The following SCAI variants were observed in gnomAD, a reference collection of about 807,000 sequenced individuals.
SCAI encodes the protein protein SCAI.
In SCAI, 24 loss-of-function variants were observed where a neutral mutation model predicts 92.2. That is an observed-to-expected ratio of 0.26 (90% CI 0.19 to 0.37). The LOEUF is 0.37. Among genes scored for constraint, SCAI ranks in the 10% least tolerant of loss-of-function variants. The probability of loss-of-function intolerance (pLI) is 1.00; values close to 1 mark genes in which losing one functional copy is unlikely to be tolerated. For missense variants in SCAI, 450 were observed against 736.2 expected (o/e 0.61, Z 4.50); for synonymous variants, 261 against 258.6 (o/e 1.01, Z -0.09).
chr9:125,021,525 G>C (rs1370295069), intron 6 of SCAI, among the ~76,000 whole-genome samples: 1 of 152,094 alleles, frequency 6.6e-6, no homozygotes, highest in East Asian at 1.9e-4. Context: ...GTAACAACGT[G>C]CATCCTTTAA....
intron 2 of SCAI, among the ~76,000 whole-genome samples, chr9:125,098,731 T>C (rs1276634020): frequency 1.3e-5 from 2 of 152,206 alleles, no homozygotes; most frequent in Non-Finnish European, 2.9e-5. Flanking sequence ...ATTTGTGAAC[T>C]GCAAAGGGAA....
At chr9:125,079,233 T>TAATA (rs1418945116) in intron 2 of SCAI, among the ~76,000 whole-genome samples, 1 of 152,216 alleles carries the variant, frequency 6.6e-6, no homozygotes, top group Non-Finnish European at 1.5e-5. Context: ...TGTTCTCTTA[T>TAATA]AGCTCCCAGA....
intron 2 of SCAI, among the ~76,000 whole-genome samples, chr9:125,114,437 T>C (rs192891258): frequency 6.7e-4 from 102 of 152,242 alleles, no homozygotes; most frequent in Non-Finnish European, 1.4e-3. Context: ...AATGGCTAAA[T>C]TTTTAAAATA....
chr9:125,007,202 A>C (rs994616512), intron 9 of SCAI, among the ~76,000 whole-genome samples: 6 of 152,192 alleles, frequency 3.9e-5, no homozygotes, highest in African/African-American at 1.4e-4. Context: ...AGTAATTATA[A>C]ATATTAATAT....
At chr9:124,959,482 A>G (rs1018453538) in intron 17 of SCAI, among the ~76,000 whole-genome samples, 2 of 103,828 alleles carry the variant, frequency 1.9e-5, no homozygotes, top group African/African-American at 7.5e-5. Flanking sequence ...ATATATATAT[A>G]TACACACACA....
intron 2 of SCAI, among the ~76,000 whole-genome samples, chr9:125,063,104 C>CA (rs1169232828): frequency 6.0e-5 from 9 of 148,912 alleles, no homozygotes; most frequent in African/African-American, 1.5e-4. Flanking sequence ...AACCCCCCAC[C>CA]CCCCCCAGAA....
intron 2 of SCAI, among the ~76,000 whole-genome samples, chr9:125,112,183 A>T (rs1010592824): frequency 6.6e-6 from 1 of 152,202 alleles, no homozygotes; most frequent in Non-Finnish European, 1.5e-5. Context: ...TAGTGATGAC[A>T]GCCCTAAACG....
At chr9:125,013,593 C>T (rs1380698108) in intron 9 of SCAI, among the ~76,000 whole-genome samples, 2 of 152,178 alleles carry the variant, frequency 1.3e-5, no homozygotes, top group Non-Finnish European at 2.9e-5. Flanking sequence ...CCGAATGCTA[C>T]CAGAGGTACA....
intron 17 of SCAI, among the ~76,000 whole-genome samples, chr9:124,959,207 T>C (rs1239256020): frequency 6.7e-6 from 1 of 149,158 alleles, no homozygotes; most frequent in Admixed American, 6.7e-5. Flanking sequence ...TGTATACATA[T>C]GTAACAAACC....
intron 6 of SCAI, among the ~76,000 whole-genome samples, chr9:125,026,602 A>C (rs1832970428): frequency 6.6e-6 from 1 of 152,180 alleles, no homozygotes; most frequent in African/African-American, 2.4e-5. Flanking sequence ...CTCCTTTGGC[A>C]TTGTGACATC....
chr9:125,072,644 A>G (rs552807503), intron 2 of SCAI, among the ~76,000 whole-genome samples: 2 of 152,198 alleles, frequency 1.3e-5, no homozygotes, highest in African/African-American at 4.8e-5. Flanking sequence ...CTCCATTTTT[A>G]CCTTGTAAAA....
At chr9:125,018,017 AC>A (rs1832797175) in intron 9 of SCAI, among the ~76,000 whole-genome samples, 1 of 152,028 alleles carries the variant, frequency 6.6e-6, no homozygotes, top group South Asian at 2.1e-4. Context: ...TCAAAAAAAA[AC>A]AAAACACAAA....
intron 3 of SCAI, among the ~76,000 whole-genome samples, chr9:125,033,891 C>G (rs1833134754): frequency 6.6e-6 from 1 of 152,146 alleles, no homozygotes; most frequent in Non-Finnish European, 1.5e-5. Flanking sequence ...TTTCAAGAAA[C>G]TTCTGAAAGA....
At chr9:124,985,414 C>A (rs1259338559) in intron 14 of SCAI, among the ~76,000 whole-genome samples, 2 of 152,046 alleles carry the variant, frequency 1.3e-5, no homozygotes, top group Non-Finnish European at 2.9e-5. Flanking sequence ...CAAATGCAGA[C>A]CCTCTCTGAA....
Position 124,944,922 on chromosome 9 carries a change from G to A in SCAI, c.*7885C>T, listed in dbSNP as rs1588108024. ...AAACATTTAAGTATCATTTACGGCA[G>A]CCCTATAAGAAGGCTAGCCATAATT... On this transcript the variant is annotated 3_prime_UTR_variant, in exon 18 of 18. Coordinates refer to ENST00000336505, the MANE Select transcript of SCAI (RefSeq NM_001144877.3). 1 of 152,146 alleles carries A rather than the reference G, an allele frequency of 6.6e-6. No homozygotes were observed. Among genetic ancestry groups the A allele is most frequent in the Admixed American group, 6.5e-5 (1 of 15,268 alleles). The allele number at this position is 152,146 out of a possible 1,614,324, so 9.4% of individuals were successfully genotyped here.
intron 2 of SCAI, among the ~76,000 whole-genome samples, chr9:125,131,206 C>T (rs1488264257): frequency 6.6e-6 from 1 of 151,334 alleles, no homozygotes; most frequent in Non-Finnish European, 1.5e-5. Context: ...AGGAGTTCAA[C>T]ACCAGCCTGG....
intron 2 of SCAI, among the ~76,000 whole-genome samples, chr9:125,087,644 G>C (rs1834348641): frequency 6.6e-6 from 1 of 152,160 alleles, no homozygotes; most frequent in Non-Finnish European, 1.5e-5. Flanking sequence ...GATAGCTTTT[G>C]TTTGGCCCAT....
intron 6 of SCAI, among the ~76,000 whole-genome samples, chr9:125,025,812 G>C (rs1383448234): frequency 6.6e-6 from 1 of 152,212 alleles, no homozygotes; most frequent in East Asian, 1.9e-4. Flanking sequence ...TCCCCAAAAT[G>C]TCACTGTTTA....
At chr9:125,128,579 C>A (rs1187703886) in intron 2 of SCAI, among the ~76,000 whole-genome samples, 1 of 151,462 alleles carries the variant, frequency 6.6e-6, no homozygotes, top group Non-Finnish European at 1.5e-5. Flanking sequence ...CAGTGAAATG[C>A]CGTCTCTACT....
Sources: gnomAD v4.1 joint callset for allele counts (sites outside exome capture counted in the v4.1 genomes callset) on GRCh38, gnomAD v4.1.1 for gene constraint, MANE v1.5 for transcripts, NCBI Gene and HGNC (gene_info 2026-07-23, HGNC 2026-07-21) for gene names.